Variants in SYT12 observed in about 807,000 individuals in gnomAD.
SYT12 encodes the protein synaptotagmin-12.
SYT12 carries 27 observed loss-of-function variants against 39.5 expected under a neutral mutation model. The ratio of observed to expected loss-of-function variants is 0.68; its 90% CI spans 0.50 to 0.94. The LOEUF (loss-of-function observed/expected upper bound fraction) is 0.94. SYT12 is among the 40% of genes least tolerant of loss of function. The probability of loss-of-function intolerance (pLI) is 0.00; values close to 1 mark genes in which losing one functional copy is unlikely to be tolerated. For synonymous variants in SYT12, 233 were observed against 239.7 expected (o/e 0.97, Z 0.26); for missense variants, 536 against 572.6 (o/e 0.94, Z 0.65).
intron 3 of SYT12, among the ~76,000 whole-genome samples, chr11:67,037,883 G>GAA (rs760091548): frequency 1.1e-5 from 1 of 90,430 alleles, no homozygotes; most frequent in Admixed American, 1.2e-4. Flanking sequence ...CTCCCCCTCA[G>GAA]AAAAAAAAAA....
intron 1 of SYT12, chr11:67,029,082 ACC>A (rs1212345886): frequency 6.6e-6 from 1 of 152,150 alleles, no homozygotes; most frequent in Admixed American, 6.6e-5. Context: ...TCCCACATAC[ACC>A]CACTTAGAAC....
intron 4 of SYT12, among the ~76,000 whole-genome samples, chr11:67,042,963 G>A (rs563293134): frequency 1.3e-5 from 2 of 152,286 alleles, no homozygotes; most frequent in South Asian, 4.1e-4. Flanking sequence ...CCCAGGCTAG[G>A]CAGCCCCCCA....
intron 5 of SYT12, 22 bp downstream of exon 5, chr11:67,043,875 C>A: frequency 1.2e-6 from 2 of 1,610,976 alleles, no homozygotes; most frequent in South Asian, 2.2e-5. Flanking sequence ...GCCTGCTCGT[C>A]CACCTCGGAA....
In SYT12 at chr11:67,034,591, T is replaced by G. The variant is rs1026990817; in HGVS notation, c.35-54T>G. 4.8e-5 allele frequency: 72 copies of G among 1,509,898 alleles called. No individual in the cohort carries two copies. The Middle Eastern group carries it at 6.5e-4, about 14-fold the overall frequency. 93.5% of individuals were successfully genotyped at this position (1,509,898 alleles called of 1,614,324 possible). A position where few individuals can be genotyped will look rare whatever the true frequency, so the allele number is the denominator to read the frequency against. On this transcript the variant is annotated intron_variant, in intron 2 of 7. Transcript: ENST00000527043. ...GTAGAAGTCGGTGCTGCTCCCCGGG[T>G]GGGGGTCTGTATCCACTAGGAAGCC...
chr11:67,011,454 G>A (rs189111623), intron 3 of SYT12, among the ~76,000 whole-genome samples: 336 of 152,292 alleles, frequency 2.2e-3, no homozygotes, highest in Non-Finnish European at 3.5e-3. Flanking sequence ...TGTTGGTCAG[G>A]CTGATCTCGA....
At position 67,048,758 on chromosome 11, in the gene SYT12, C is replaced by G. The variant is rs1302319016; in HGVS notation, c.*1C>G. The stretch of plus-strand genomic sequence containing the variant: ...GTGGCACGCTGTCCGGCGAAACTAG[C>G]AACCAGGGCGGGCCAGTTGGGCAAT... On this transcript the variant is annotated 3_prime_UTR_variant, in exon 8 of 8. Coordinates refer to ENST00000527043, the MANE Select transcript of SYT12 (RefSeq NM_177963.4). 1 of 1,592,182 alleles carries G rather than the reference C, an allele frequency of 6.3e-7. No individual in the cohort carries two copies. The highest frequency in any genetic ancestry group is 8.6e-7 in the Non-Finnish European group (1 of 1,163,418).
chr11:67,038,107 T>C (rs1472242020), intron 3 of SYT12, among the ~76,000 whole-genome samples: 1 of 151,670 alleles, frequency 6.6e-6, no homozygotes, highest in African/African-American at 2.4e-5. Flanking sequence ...AAGGTTCTTG[T>C]TTTCTCAAAT....
At chr11:67,030,250 T>C (rs879205238) in intron 2 of SYT12, 72 bp downstream of exon 2, 9 of 1,539,532 alleles carry the variant, frequency 5.8e-6, no homozygotes, top group African/African-American at 4.1e-5. Flanking sequence ...GTGGGAGGTG[T>C]CTGTGGGACA....
At chr11:67,019,159 G>A (rs370502002), upstream of SYT12, among the ~76,000 whole-genome samples, 4 of 152,112 alleles carry the variant, frequency 2.6e-5, no homozygotes, top group Non-Finnish European at 4.4e-5. Flanking sequence ...AGAGCCAAGC[G>A]AAAGGGGTTT....
intron 3 of SYT12, among the ~76,000 whole-genome samples, chr11:67,014,927 TA>T (rs779869531): frequency 3.4e-3 from 495 of 143,878 alleles, no homozygotes; most frequent in African/African-American, 9.3e-3. Flanking sequence ...TGGAATGAAG[TA>T]AAAAAAAAAA....
chr11:67,036,805 G>A (rs2136220991), intron 3 of SYT12, among the ~76,000 whole-genome samples: 1 of 152,202 alleles, frequency 6.6e-6, no homozygotes, highest in Non-Finnish European at 1.5e-5. Flanking sequence ...CGGGCACAGT[G>A]GCTCATGCCT....
intron 3 of SYT12, among the ~76,000 whole-genome samples, chr11:67,011,184 C>A (rs1048688186): frequency 6.6e-6 from 1 of 152,138 alleles, no homozygotes; most frequent in African/African-American, 2.4e-5. Context: ...ATAATGAGAT[C>A]CCCATCTCTA....
chr11:67,017,997 C>T (rs553143789), intron 3 of SYT12, among the ~76,000 whole-genome samples: 1 of 146,010 alleles, frequency 6.8e-6, no homozygotes, highest in African/African-American at 2.5e-5. Context: ...CGCGGTGGCT[C>T]ACACATGTAA....
At chr11:67,038,155 A>ATTTG (rs1272092289) in intron 3 of SYT12, among the ~76,000 whole-genome samples, 1 of 150,284 alleles carries the variant, frequency 6.7e-6, no homozygotes. Flanking sequence ...CTATTTATTT[A>ATTTG]TTTATTTATT....
chr11:67,040,997 A>G (rs1279580399), intron 4 of SYT12, among the ~76,000 whole-genome samples: 1 of 151,834 alleles, frequency 6.6e-6, no homozygotes, highest in Non-Finnish European at 1.5e-5. Context: ...TTCTCTACCA[A>G]AAAAAATAAA....
chr11:67,035,860 T>TTCTTTCTTTCTTTCTTTC (rs1565337482), intron 3 of SYT12, among the ~76,000 whole-genome samples: 1 of 135,932 alleles, frequency 7.4e-6, no homozygotes, highest in African/African-American at 3.2e-5. Flanking sequence ...CTTTCTTTCT[T>TTCTTTCTTTCTTTCTTTC]TCTTTCTTTC....
chr11:67,014,834 T>A (rs1170963254), intron 3 of SYT12, among the ~76,000 whole-genome samples: 1 of 152,050 alleles, frequency 6.6e-6, no homozygotes, highest in East Asian at 1.9e-4. Flanking sequence ...GCAGCAGGGA[T>A]CCTCGTGGCC....
In SYT12 at chr11:67,048,898, C is replaced by G. The variant is rs1272418645; in HGVS notation, c.*141C>G. On this transcript the variant is annotated 3_prime_UTR_variant, in exon 8 of 8. Coordinates refer to ENST00000527043, the MANE Select transcript of SYT12 (RefSeq NM_177963.4). ...GAGTCCTCATGACCCATCCTGGTCT[C>G]TCTGTCCAGATTGCAGCAGAGGAGT... The G allele has an allele frequency of 1.6e-5, 16 of 992,836 alleles. No homozygotes were observed. Among genetic ancestry groups the G allele is most frequent in the Admixed American group, 2.5e-5 (1 of 40,814 alleles). The allele number at this position is 992,836 out of a possible 1,614,324, so 61.5% of individuals were successfully genotyped here.
At chr11:67,029,148 A>C (rs1169843598) in intron 1 of SYT12, 2 of 152,234 alleles carry the variant, frequency 1.3e-5, no homozygotes, top group African/African-American at 4.8e-5. Context: ...ATGAGCAGTC[A>C]CCTAGGTTCA....
Sources: gnomAD v4.1 joint callset for allele counts (sites outside exome capture counted in the v4.1 genomes callset) on GRCh38, gnomAD v4.1.1 for gene constraint, MANE v1.5 for transcripts, NCBI Gene and HGNC (gene_info 2026-07-23, HGNC 2026-07-21) for gene names.